The following RPS6KC1 variants were observed in gnomAD, a reference collection of about 807,000 sequenced individuals.
RPS6KC1 encodes inactive ribosomal protein S6 kinase delta-1.
A neutral mutation model predicts 103.8 loss-of-function variants in RPS6KC1; 54 were observed. The observed-to-expected ratio is 0.52, with a 90% confidence interval of 0.42 to 0.65. RPS6KC1 has a LOEUF of 0.65. Among genes scored for constraint, RPS6KC1 ranks in the 30% least tolerant of loss-of-function variants. The probability of loss-of-function intolerance (pLI) is 0.00; values close to 1 mark genes in which losing one functional copy is unlikely to be tolerated. For missense variants in RPS6KC1, 1,151 were observed against 1,253.8 expected (o/e 0.92, Z 1.24); for synonymous variants, 439 against 438.7 (o/e 1.00, Z -0.01).
chr1:213,070,046 A>C (rs1206377358), intron 1 of RPS6KC1, among the ~76,000 whole-genome samples: 1 of 152,178 alleles, frequency 6.6e-6, no homozygotes, highest in Non-Finnish European at 1.5e-5. Flanking sequence ...TTTGTCCCTG[A>C]ATGTTTGTAA....
At chr1:213,810,328 G>C in the RPS6KC1 span, among the ~76,000 whole-genome samples, 1 of 152,194 alleles carries the variant, frequency 6.6e-6, no homozygotes, top group Non-Finnish European at 1.5e-5. Context: ...TCAGGAACAG[G>C]TAGAAAAATA....
chr1:213,332,887 A>G, the RPS6KC1 span, among the ~76,000 whole-genome samples: 11 of 152,146 alleles, frequency 7.2e-5, no homozygotes, highest in Admixed American at 3.3e-4. Context: ...TAACCATGGC[A>G]TGGTTAGGAG....
At chr1:213,055,767 T>A (rs893410643) in intron 1 of RPS6KC1, among the ~76,000 whole-genome samples, 3 of 152,260 alleles carry the variant, frequency 2.0e-5, no homozygotes, top group Non-Finnish European at 4.4e-5. Context: ...AGAATGTAGA[T>A]GAATTTCAGA....
At chr1:213,577,641 T>G in the RPS6KC1 span, among the ~76,000 whole-genome samples, 2 of 152,326 alleles carry the variant, frequency 1.3e-5, no homozygotes, top group East Asian at 3.9e-4. Flanking sequence ...CAAAGGTGAC[T>G]GGTGACATTT....
At chr1:213,446,001 A>T in the RPS6KC1 span, among the ~76,000 whole-genome samples, 1 of 152,122 alleles carries the variant, frequency 6.6e-6, no homozygotes, top group African/African-American at 2.4e-5. Flanking sequence ...GGTGGCACGA[A>T]TGCAGTCCAG....
chr1:213,450,503 C>T, the RPS6KC1 span, among the ~76,000 whole-genome samples: 1 of 152,078 alleles, frequency 6.6e-6, no homozygotes, highest in African/African-American at 2.4e-5. Flanking sequence ...GTGTGGGTGC[C>T]TGTGGTGGCT....
chr1:213,809,644 C>A, the RPS6KC1 span, among the ~76,000 whole-genome samples: 1 of 152,156 alleles, frequency 6.6e-6, no homozygotes, highest in African/African-American at 2.4e-5. Flanking sequence ...AACATATGTA[C>A]AGTATCTTCC....
intron 8 of RPS6KC1, among the ~76,000 whole-genome samples, chr1:213,221,346 C>G (rs2093827481): frequency 1.3e-5 from 2 of 152,090 alleles, no homozygotes; most frequent in South Asian, 4.1e-4. Flanking sequence ...TCTGTGTTTT[C>G]TGGTAGCTTG....
At chr1:213,337,237 C>G in the RPS6KC1 span, among the ~76,000 whole-genome samples, 1 of 152,202 alleles carries the variant, frequency 6.6e-6, no homozygotes, top group African/African-American at 2.4e-5. Flanking sequence ...TTAATACAGG[C>G]TAAGGCTCAG....
At chr1:213,531,013 T>G in the RPS6KC1 span, among the ~76,000 whole-genome samples, 1 of 152,220 alleles carries the variant, frequency 6.6e-6, no homozygotes, top group African/African-American at 2.4e-5. Context: ...TAATTGTTAT[T>G]TTTTTGAAGC....
At chr1:213,114,359 T>TTTGC (rs1395121707) in intron 4 of RPS6KC1, among the ~76,000 whole-genome samples, 1 of 68,032 alleles carries the variant, frequency 1.5e-5, no homozygotes, top group Admixed American at 1.1e-4. Flanking sequence ...TGGCTCTCTG[T>TTTGC]CTGTTGTTGG....
chr1:213,685,870 T>C, the RPS6KC1 span, among the ~76,000 whole-genome samples: 1 of 152,208 alleles, frequency 6.6e-6, no homozygotes, highest in South Asian at 2.1e-4. Flanking sequence ...TTGCCATACA[T>C]TGCTTAAATC....
chr1:213,831,590 A>T, the RPS6KC1 span, among the ~76,000 whole-genome samples: 8 of 152,246 alleles, frequency 5.3e-5, no homozygotes, highest in African/African-American at 7.2e-5. Context: ...TCACAATAGC[A>T]GGAGGAAACT....
chr1:213,525,915 G>A, the RPS6KC1 span, among the ~76,000 whole-genome samples: 1 of 152,212 alleles, frequency 6.6e-6, no homozygotes, highest in African/African-American at 2.4e-5. Flanking sequence ...AGTGGAAACA[G>A]CGAGTATAAA....
At chr1:213,622,113 G>T in the RPS6KC1 span, among the ~76,000 whole-genome samples, 1 of 152,084 alleles carries the variant, frequency 6.6e-6, no homozygotes, top group Admixed American at 6.6e-5. Flanking sequence ...AGACACTGAG[G>T]TGTACCTGAC....
intron 8 of RPS6KC1, among the ~76,000 whole-genome samples, chr1:213,221,077 T>A (rs1266518522): frequency 5.3e-5 from 8 of 152,190 alleles, no homozygotes. Context: ...CCATAAAAAA[T>A]ACAATCTTTA....
At chr1:213,282,641 C>G in the RPS6KC1 span, among the ~76,000 whole-genome samples, 1 of 152,276 alleles carries the variant, frequency 6.6e-6, no homozygotes, top group Non-Finnish European at 1.5e-5. Flanking sequence ...GCTAGCCTCT[C>G]TAGCCCTCAA....
At chr1:213,732,350 T>TGCGC in the RPS6KC1 span, among the ~76,000 whole-genome samples, 1 of 82,760 alleles carries the variant, frequency 1.2e-5, no homozygotes, top group Admixed American at 1.2e-4. Flanking sequence ...TATGTATGAG[T>TGCGC]GTGCGTGTGC....
At chr1:213,213,127 C>G (rs2093561057) in intron 8 of RPS6KC1, among the ~76,000 whole-genome samples, 1 of 152,100 alleles carries the variant, frequency 6.6e-6, no homozygotes, top group Non-Finnish European at 1.5e-5. Context: ...TTGATATTAT[C>G]TCAGAAAAGT....
Sources: allele counts gnomAD v4.1 joint callset (sites outside exome capture counted in the v4.1 genomes callset), GRCh38; gene constraint gnomAD v4.1.1; transcripts MANE v1.5; gene names NCBI Gene and HGNC (gene_info 2026-07-23, HGNC 2026-07-21).